The following DOCK7 variants were observed in gnomAD, a reference collection of about 807,000 sequenced individuals.
The protein encoded by DOCK7 is dedicator of cytokinesis protein 7.
A neutral mutation model predicts 271.0 loss-of-function variants in DOCK7; 138 were observed. That is an observed-to-expected ratio of 0.51 (90% CI 0.44 to 0.59). The LOEUF (loss-of-function observed/expected upper bound fraction) is 0.59, where lower values mean the gene tolerates loss of function less well. Among genes scored for constraint, DOCK7 ranks in the 20% least tolerant of loss-of-function variants. The pLI is 0.00. For missense variants in DOCK7, 2,066 were observed against 2,592.4 expected (o/e 0.80, Z 4.41); for synonymous variants, 823 against 876.1 (o/e 0.94, Z 1.07).
intron 14 of DOCK7, among the ~76,000 whole-genome samples, chr1:62,611,882 T>A (rs1651830913): frequency 6.6e-6 from 1 of 151,872 alleles, no homozygotes; most frequent in Admixed American, 6.6e-5. Flanking sequence ...TGGTGGTTCA[T>A]GCCTGTAATC....
intron 14 of DOCK7, among the ~76,000 whole-genome samples, chr1:62,610,308 A>G (rs1331425190): frequency 6.6e-6 from 1 of 152,134 alleles, no homozygotes; most frequent in Non-Finnish European, 1.5e-5. Flanking sequence ...TTTCTGAAGC[A>G]GAGAACCATA....
At chr1:62,597,489 A>G in intron 14 of DOCK7, 2 of 1,502,748 alleles carry the variant, frequency 1.3e-6, no homozygotes, top group Non-Finnish European at 1.8e-6. Context: ...ATATTGGTAT[A>G]TATAGAGTTA....
chr1:62,534,030 G>A (rs920747643), intron 29 of DOCK7, among the ~76,000 whole-genome samples: 1 of 150,636 alleles, frequency 6.6e-6, no homozygotes, highest in African/African-American at 2.4e-5. Flanking sequence ...ATGAAGTCTT[G>A]CTCTATCACC....
intron 7 of DOCK7, among the ~76,000 whole-genome samples, chr1:62,643,771 T>C (rs943024890): frequency 1.3e-5 from 2 of 152,270 alleles, no homozygotes; most frequent in South Asian, 2.1e-4. Flanking sequence ...TTGATATCAC[T>C]TTATTTTCCA....
At chr1:62,682,997 A>G (rs1661340594) in intron 1 of DOCK7, among the ~76,000 whole-genome samples, 2 of 152,204 alleles carry the variant, frequency 1.3e-5, no homozygotes, top group Admixed American at 1.3e-4. Context: ...TAAGTCACCT[A>G]TTGAGAGAGT....
chr1:62,538,095 T>C lies in DOCK7; in HGVS notation c.3301-34A>G, dbSNP rs757043556. 1.7e-5 allele frequency: 27 copies of C among 1,585,612 alleles called. No individual in the cohort carries two copies. In the East Asian group the frequency reaches 3.8e-4, roughly 22 times the overall value. On this transcript the variant is annotated intron_variant, in intron 27 of 49. Coordinates refer to ENST00000635253, the MANE Select transcript of DOCK7 (RefSeq NM_001367561.1). ...CAATGCATAAGTAAGAGAACACCAATTGAATCTATTATTTCTTTAATACTA... is the reference window on the plus strand; with the variant it reads ...CAATGCATAAGTAAGAGAACACCAACTGAATCTATTATTTCTTTAATACTA...
chr1:62,597,684 T>C (rs2149525287), intron 14 of DOCK7: 7 of 1,613,570 alleles, frequency 4.3e-6, no homozygotes, highest in East Asian at 2.2e-5. Context: ...ATTTGCTATG[T>C]TAGACGATGT....
At chr1:62,498,118 C>A (rs1316715439) in intron 37 of DOCK7, among the ~76,000 whole-genome samples, 1 of 151,550 alleles carries the variant, frequency 6.6e-6, no homozygotes, top group Non-Finnish European at 1.5e-5. Flanking sequence ...GTGGTACATG[C>A]GTGTAGTCCC....
chr1:62,507,828 A>C (rs1646987125), intron 35 of DOCK7, 134 bp downstream of exon 35: 2 of 721,452 alleles, frequency 2.8e-6, no homozygotes, highest in East Asian at 6.0e-5. Context: ...AGAATCTCAG[A>C]ATGCTTGGAA....
Position 62,663,185 on chromosome 1 carries a change from T to C in DOCK7, c.39-55A>G, listed in dbSNP as rs1571941687. 7.1e-6 allele frequency: 9 copies of C among 1,273,580 alleles called. No individual in the cohort carries two copies. The East Asian group carries it at 2.1e-4, about 30-fold the overall frequency. The allele number at this position is 1,273,580 out of a possible 1,614,324, so 78.9% of individuals were successfully genotyped here. A position where few individuals can be genotyped will look rare whatever the true frequency, so the allele number is the denominator to read the frequency against. Reference sequence around the variant, plus strand: ...TTATTGAAAAAAAAAAAAACTAAACTAGTTTAAAATGGAGGGAAGCTAAAT... The same window carrying C: ...TTATTGAAAAAAAAAAAAACTAAACCAGTTTAAAATGGAGGGAAGCTAAAT... On this transcript the variant is annotated intron_variant, in intron 1 of 49. Transcript: ENST00000635253.
At chr1:62,486,661 A>G (rs1252809179) in intron 43 of DOCK7, 1 of 152,084 alleles carries the variant, frequency 6.6e-6, no homozygotes. Context: ...TTATCAAACA[A>G]TATATCAAAT....
At chr1:62,635,487 A>C (rs902627885) in intron 8 of DOCK7, 1 of 151,910 alleles carries the variant, frequency 6.6e-6, no homozygotes, top group African/African-American at 2.4e-5. Flanking sequence ...CAGTGAGCCG[A>C]GATCGCGCCA....
At chr1:62,483,501 T>C (rs1447772714) in intron 43 of DOCK7, 1 of 152,108 alleles carries the variant, frequency 6.6e-6, no homozygotes, top group East Asian at 1.9e-4. Flanking sequence ...CCATTTACTA[T>C]GTTTTCCTTA....
At chr1:62,667,777 G>A (rs1217379181) in intron 1 of DOCK7, among the ~76,000 whole-genome samples, 2 of 152,140 alleles carry the variant, frequency 1.3e-5, no homozygotes, top group Non-Finnish European at 2.9e-5. Context: ...CAGCACTTTG[G>A]GAGACTGAGG....
At chr1:62,658,140 A>G (rs575654215) in intron 2 of DOCK7, among the ~76,000 whole-genome samples, 6 of 140,544 alleles carry the variant, frequency 4.3e-5, no homozygotes, top group Admixed American at 3.5e-4. Flanking sequence ...TTAGACAAAG[A>G]AAAAAAAAAA....
chr1:62,464,986 T>C (rs1169550355), intron 48 of DOCK7, among the ~76,000 whole-genome samples: 2 of 152,186 alleles, frequency 1.3e-5, no homozygotes, highest in Non-Finnish European at 2.9e-5. Flanking sequence ...TTTACTATCA[T>C]AAAATATATA....
chr1:62,548,697 G>A (rs1373458054), intron 22 of DOCK7, among the ~76,000 whole-genome samples: 1 of 152,116 alleles, frequency 6.6e-6, no homozygotes, highest in Admixed American at 6.5e-5. Context: ...CTGGGATTAT[G>A]GGCGTGAGCC....
At chr1:62,489,402 C>G (rs934439881) in intron 41 of DOCK7, among the ~76,000 whole-genome samples, 35 of 152,030 alleles carry the variant, frequency 2.3e-4, no homozygotes, top group African/African-American at 8.0e-4. Flanking sequence ...TGAGCTGAGA[C>G]CGCGCCACTG....
chr1:62,604,904 G>A (rs1161027093), intron 14 of DOCK7: 1 of 1,364,788 alleles, frequency 7.3e-7, no homozygotes, highest in Non-Finnish European at 1.0e-6. Context: ...AAATCCTTAA[G>A]AGAAAGCTTG....
Sources: allele counts gnomAD v4.1 joint callset (sites outside exome capture counted in the v4.1 genomes callset), GRCh38; gene constraint gnomAD v4.1.1; transcripts MANE v1.5; gene names NCBI Gene and HGNC (gene_info 2026-07-23, HGNC 2026-07-21).